SLC18A1: variants seen among roughly 807,000 people sequenced by gnomAD.
The protein encoded by SLC18A1 is chromaffin granule amine transporter.
Under a neutral mutation model 53.7 loss-of-function variants are expected in SLC18A1, and 69 were observed. That is an observed-to-expected ratio of 1.28 (90% CI 1.06 to 1.57). The LOEUF (loss-of-function observed/expected upper bound fraction) is 1.57. Among genes scored for constraint, SLC18A1 ranks in the 40% most tolerant of loss-of-function variants. The pLI, the probability that SLC18A1 is intolerant of heterozygous loss-of-function variation, is 0.00. For missense variants in SLC18A1, 932 were observed against 668.1 expected (o/e 1.40, Z -4.35); for synonymous variants, 320 against 248.1 (o/e 1.29, Z -2.72).
intron 4 of SLC18A1, among the ~76,000 whole-genome samples, chr8:20,177,194 G>C (rs1193127810): frequency 1.3e-5 from 2 of 152,142 alleles, no homozygotes; most frequent in Admixed American, 1.3e-4. Context: ...TTTTCTTCAA[G>C]TCCACTAAAA....
intron 6 of SLC18A1, 53 bp from the exon 7 acceptor site, chr8:20,171,547 G>C: frequency 7.2e-7 from 1 of 1,396,738 alleles, no homozygotes; most frequent in African/African-American, 1.4e-5. Flanking sequence ...GTCCTTTGCA[G>C]TGAGAATTAT....
Position 20,155,958 on chromosome 8 carries a change from G to A in SLC18A1, c.1016-5214C>T, listed in dbSNP as rs2071671805. Among the ~76,000 whole-genome samples, 8 of 152,214 alleles carry A rather than the reference G, an allele frequency of 5.3e-5. No individual in the cohort carries two copies. The South Asian group carries it at 1.7e-3, about 32-fold the overall frequency. ...TGGCTAGGAGGATTGCTCTGCCATT[G>A]TGTAAGTACTCTCCTCTCTCAATTT... is the stretch of plus-strand genomic sequence containing the variant. On this transcript the variant is annotated intron_variant, in intron 10 of 15. Transcript: ENST00000276373.
chr8:20,155,423 T>C (rs2128870486), intron 10 of SLC18A1, among the ~76,000 whole-genome samples: 1 of 152,090 alleles, frequency 6.6e-6, no homozygotes, highest in East Asian at 1.9e-4. Context: ...CCAATCCTTC[T>C]AGGATGGGAG....
intron 8 of SLC18A1, among the ~76,000 whole-genome samples, chr8:20,166,479 A>G (rs1316396672): frequency 6.6e-6 from 1 of 151,538 alleles, no homozygotes; most frequent in Non-Finnish European, 1.5e-5. Flanking sequence ...AAATAAGAAA[A>G]CACATAAGCG....
In SLC18A1 at chr8:20,155,514, C is replaced by A. The variant is rs115413478; in HGVS notation, c.1016-4770G>T. Among the ~76,000 whole-genome samples the A allele has an allele frequency of 5.6e-3, 853 of 152,266 alleles. 7 individuals are homozygous for A. Among genetic ancestry groups the A allele is most frequent in the African/African-American group, 0.02 (812 of 41,526 alleles). ...AGGCCGACTAGAGGCAGAAAGCTGT[C>A]ATCCCAAACTCCGGGCATTGATCAG... On this transcript the variant is annotated intron_variant, in intron 10 of 15. Transcript: ENST00000276373.
At chr8:20,176,542 T>TG (rs1202853445) in intron 4 of SLC18A1, among the ~76,000 whole-genome samples, 1 of 152,212 alleles carries the variant, frequency 6.6e-6, no homozygotes. Context: ...ATTATTTTTT[T>TG]CACTTTGGAC....
Position 20,179,435 on chromosome 8 carries a change from G to A in SLC18A1, c.174C>T (p.Asn58=), listed in dbSNP as rs531665612. The change falls in exon 3 of 16, where the codon AAC becomes AAT. Residue 58 remains asparagine, a synonymous_variant. Coordinates refer to ENST00000276373, the MANE Select transcript of SLC18A1 (RefSeq NM_003053.4). ...FLYDMEFKEV[N]SSLHLGHAGS... ...CGGCATGGCCGAGGTGCAGAGAAGAGTTGACTTCTTTGAACTCCATGTCAT... is the reference window on the plus strand; with the variant it reads ...CGGCATGGCCGAGGTGCAGAGAAGAATTGACTTCTTTGAACTCCATGTCAT... 5 of 1,613,912 alleles carry A rather than the reference G, an allele frequency of 3.1e-6. No individual in the cohort carries two copies. The East Asian group carries it at 8.9e-5, about 29-fold the overall frequency.
At position 20,147,425 on chromosome 8, in the gene SLC18A1, T is replaced by C. The variant is rs752426682; in HGVS notation, c.1331-34A>G. On this transcript the variant is annotated intron_variant, in intron 14 of 15. Coordinates refer to ENST00000276373, the MANE Select transcript of SLC18A1 (RefSeq NM_003053.4). ...GATACATCAAAGTCATAAGTGTCTA[T>C]GGAGCCTCCATATGGAGCATCCTCC... is the stretch of plus-strand genomic sequence containing the variant. 5 of 1,592,128 alleles carry C rather than the reference T, an allele frequency of 3.1e-6. No individual in the cohort carries two copies. The Admixed American group carries it at 8.7e-5, about 28-fold the overall frequency.
chr8:20,165,974 G>C (rs984678818), intron 8 of SLC18A1, among the ~76,000 whole-genome samples: 1 of 152,002 alleles, frequency 6.6e-6, no homozygotes, highest in Non-Finnish European at 1.5e-5. Flanking sequence ...ACACACAATA[G>C]TGGATTGATA....
rs749928258 is a variant in SLC18A1 at position 20,149,756 on chromosome 8, C to T, written c.1095-29G>A. ...GAAGAAAAAAGCCATCATCAAACAC[C>T]ACTAGGGGAGAGCTCCCCTCCACCT... On this transcript the variant is annotated intron_variant, in intron 11 of 15. Coordinates refer to ENST00000276373, the MANE Select transcript of SLC18A1 (RefSeq NM_003053.4). 4 of 1,611,738 alleles carry T rather than the reference C, an allele frequency of 2.5e-6. No homozygotes were observed. The African/African-American group carries it at 5.4e-5, about 22-fold the overall frequency.
chr8:20,153,969 C>T (rs894041544), intron 10 of SLC18A1, among the ~76,000 whole-genome samples: 2 of 152,052 alleles, frequency 1.3e-5, no homozygotes, highest in Admixed American at 6.6e-5. Context: ...GGGAATGAAT[C>T]CCTCGTGAAT....
intron 4 of SLC18A1, chr8:20,176,038 C>T (rs1011268998): frequency 6.6e-6 from 1 of 152,180 alleles, no homozygotes; most frequent in Non-Finnish European, 1.5e-5. Context: ...GTCTTACATC[C>T]TGGGAAGCCC....
chr8:20,173,245 G>A (rs914991223), intron 5 of SLC18A1, 117 bp from the exon 6 acceptor site: 1 of 755,892 alleles, frequency 1.3e-6, no homozygotes, highest in Non-Finnish European at 2.1e-6. Flanking sequence ...GTTTCAGTTT[G>A]AGGGGTTTTA....
chr8:20,168,182 T>A (rs2072018589), intron 8 of SLC18A1, among the ~76,000 whole-genome samples: 1 of 152,040 alleles, frequency 6.6e-6, no homozygotes, highest in East Asian at 1.9e-4. Flanking sequence ...AAGGCCAGCC[T>A]GGGCAACACA....
At chr8:20,156,452 G>A (rs2071684069) in intron 10 of SLC18A1, among the ~76,000 whole-genome samples, 1 of 152,158 alleles carries the variant, frequency 6.6e-6, no homozygotes, top group African/African-American at 2.4e-5. Flanking sequence ...CTTAAGGACA[G>A]GAAGATAGAT....
chr8:20,172,392 G>A lies in SLC18A1; in HGVS notation c.724+644C>T, dbSNP rs142726359. ...AAATTTCAGGTGTTTTGTTTTCGAT[G>A]AGCTTGTAAGCTCCTAGAGGGCAGG... On this transcript the variant is annotated intron_variant, in intron 6 of 15. Transcript: ENST00000276373. Among the ~76,000 whole-genome samples, 272 of 152,324 alleles carry A rather than the reference G, an allele frequency of 1.8e-3. 2 individuals carry two copies. The South Asian group carries it at 0.029, about 16-fold the overall frequency.
intron 11 of SLC18A1, 147 bp downstream of exon 11, chr8:20,150,519 C>A: frequency 1.4e-6 from 1 of 734,208 alleles, no homozygotes; most frequent in Non-Finnish European, 2.5e-6. Flanking sequence ...TCACTCACTG[C>A]CCATCCTCCC....
chr8:20,176,673 T>C (rs2072261112), intron 4 of SLC18A1, among the ~76,000 whole-genome samples: 1 of 152,134 alleles, frequency 6.6e-6, no homozygotes, highest in Non-Finnish European at 1.5e-5. Flanking sequence ...TTTAGAACAT[T>C]GGACAAGGAT....
Position 20,147,663 on chromosome 8 carries a change from A to G in SLC18A1, c.1270T>C (p.Ser424Pro), listed in dbSNP as rs147579147. The G allele has an allele frequency of 1.2e-4, 190 of 1,614,026 alleles. No homozygotes were observed. The African/African-American group carries it at 2.3e-3, about 20-fold the overall frequency. The change falls in exon 14 of 16, where the codon TCG (serine) becomes CCG (proline). Residue 424 changes from serine (S) to proline (P), a missense_variant. Transcript: ENST00000276373. Reference protein sequence around the residue: ...MGHLVDLRHTSVYGSVYAIAD... With the variant: ...MGHLVDLRHTPVYGSVYAIAD... ...ATGGCGTAGACACTCCCATACACCG[A>G]GGTGTGGCGTAGATCCACCAGGTGC...
Sources: allele counts gnomAD v4.1 joint callset (sites outside exome capture counted in the v4.1 genomes callset), GRCh38; gene constraint gnomAD v4.1.1; transcripts MANE v1.5; gene names NCBI Gene and HGNC (gene_info 2026-07-23, HGNC 2026-07-21).